Variants in FRMD4A observed in about 807,000 individuals in gnomAD.
FRMD4A encodes FERM domain containing 4A.
A neutral mutation model predicts 129.1 loss-of-function variants in FRMD4A; 29 were observed. The observed-to-expected ratio is 0.22, with a 90% CI of 0.17 to 0.31. The LOEUF (loss-of-function observed/expected upper bound fraction) is 0.31, where lower values mean the gene tolerates loss of function less well. Ranked by LOEUF, FRMD4A falls within the 10% of genes least tolerant of loss-of-function variation. The pLI is 1.00. For synonymous variants in FRMD4A, 634 were observed against 571.6 expected (o/e 1.11, Z -1.56); for missense variants, 1,272 against 1,375.8 (o/e 0.92, Z 1.19).
At chr10:14,273,481 T>C (rs1845234461) in intron 2 of FRMD4A, among the ~76,000 whole-genome samples, 1 of 152,156 alleles carries the variant, frequency 6.6e-6, no homozygotes, top group African/African-American at 2.4e-5. Context: ...TTAAAATTAG[T>C]AATATTAATG....
At chr10:14,013,735 G>C (rs1302825365) in intron 2 of FRMD4A, among the ~76,000 whole-genome samples, 1 of 151,960 alleles carries the variant, frequency 6.6e-6, no homozygotes, top group Non-Finnish European at 1.5e-5. Context: ...AGTTCAAGAC[G>C]AGCCTGACCA....
chr10:14,222,871 T>C (rs931772945), intron 2 of FRMD4A, among the ~76,000 whole-genome samples: 7 of 152,174 alleles, frequency 4.6e-5, no homozygotes, highest in Admixed American at 4.6e-4. Flanking sequence ...GCAGATCACC[T>C]GAGCTCAGGA....
At chr10:14,184,934 A>G (rs763582649) in intron 2 of FRMD4A, among the ~76,000 whole-genome samples, 17 of 152,178 alleles carry the variant, frequency 1.1e-4, no homozygotes, top group Non-Finnish European at 2.1e-4. Context: ...AAAGTCGTGT[A>G]GGGTGTTTCC....
chr10:13,674,129 C>T (rs1011019037), intron 16 of FRMD4A, among the ~76,000 whole-genome samples: 4 of 152,176 alleles, frequency 2.6e-5, no homozygotes, highest in East Asian at 3.8e-4. Flanking sequence ...AAAAGCTAAA[C>T]ACCAGATCAC....
chr10:13,761,284 A>T (rs923370124), intron 8 of FRMD4A, among the ~76,000 whole-genome samples: 1 of 152,238 alleles, frequency 6.6e-6, no homozygotes, highest in East Asian at 1.9e-4. Context: ...ATGTCCACCT[A>T]CTTGTCAGGA....
chr10:14,086,226 C>T (rs1228223932), intron 2 of FRMD4A, among the ~76,000 whole-genome samples: 3 of 152,128 alleles, frequency 2.0e-5, no homozygotes, highest in Non-Finnish European at 2.9e-5. Flanking sequence ...AAACAGAAAG[C>T]TTATTGAGGT....
intron 2 of FRMD4A, among the ~76,000 whole-genome samples, chr10:14,261,718 G>T (rs986288203): frequency 6.6e-6 from 1 of 152,070 alleles, no homozygotes; most frequent in African/African-American, 2.4e-5. Flanking sequence ...GCAGCTTTTG[G>T]TCCATTGTTT....
chr10:13,974,317 C>G (rs2095533148), intron 2 of FRMD4A, among the ~76,000 whole-genome samples: 1 of 151,998 alleles, frequency 6.6e-6, no homozygotes, highest in Non-Finnish European at 1.5e-5. Flanking sequence ...CTCAAGCTGC[C>G]CTGATATCTT....
At chr10:14,182,611 C>A (rs983387793) in intron 2 of FRMD4A, among the ~76,000 whole-genome samples, 6 of 152,016 alleles carry the variant, frequency 3.9e-5, no homozygotes, top group African/African-American at 1.5e-4. Flanking sequence ...GAAAGAGACC[C>A]CCATCATCTA....
At chr10:13,866,984 A>G (rs1399198121) in intron 2 of FRMD4A, among the ~76,000 whole-genome samples, 1 of 152,192 alleles carries the variant, frequency 6.6e-6, no homozygotes, top group African/African-American at 2.4e-5. Flanking sequence ...ATACATACAG[A>G]TAGTGTAATG....
intron 2 of FRMD4A, among the ~76,000 whole-genome samples, chr10:14,282,632 AC>A (rs11295610): frequency 1 from 152,226 of 152,230 alleles, 76,111 homozygotes; most frequent in Non-Finnish European, 1. Context: ...AGTGTGGGGG[AC>A]CCTTCCAGGA....
intron 2 of FRMD4A, among the ~76,000 whole-genome samples, chr10:14,073,155 T>C (rs1397420092): frequency 2.6e-5 from 4 of 152,094 alleles, no homozygotes; most frequent in Non-Finnish European, 4.4e-5. Context: ...AGCTCAGAGG[T>C]TGGTGACAGG....
At chr10:13,773,167 A>G (rs2092506448) in intron 6 of FRMD4A, among the ~76,000 whole-genome samples, 2 of 152,062 alleles carry the variant, frequency 1.3e-5, no homozygotes, top group African/African-American at 4.8e-5. Flanking sequence ...TGGCACACAC[A>G]CTCGACACTC....
intron 2 of FRMD4A, among the ~76,000 whole-genome samples, chr10:13,872,800 G>C (rs937388813): frequency 6.6e-6 from 1 of 152,244 alleles, no homozygotes; most frequent in South Asian, 2.1e-4. Context: ...TTTGTTTGGA[G>C]TAGAATGAGA....
intron 2 of FRMD4A, among the ~76,000 whole-genome samples, chr10:13,891,400 G>A (rs953781718): frequency 1.3e-5 from 2 of 152,158 alleles, no homozygotes; most frequent in African/African-American, 2.4e-5. Flanking sequence ...AGGAAAGTAG[G>A]TGTGTGTGTG....
At chr10:13,703,222 G>A (rs1460540275) in intron 13 of FRMD4A, among the ~76,000 whole-genome samples, 2 of 152,124 alleles carry the variant, frequency 1.3e-5, no homozygotes, top group Non-Finnish European at 2.9e-5. Context: ...GGTCAGGTCC[G>A]GGTAGTTCCC....
chr10:13,966,755 T>G (rs564079098), intron 2 of FRMD4A, among the ~76,000 whole-genome samples: 40 of 152,350 alleles, frequency 2.6e-4, no homozygotes, highest in African/African-American at 9.4e-4. Context: ...AGTCATTATA[T>G]GAAAAATACA....
At chr10:13,797,724 C>T (rs1335917670) in intron 4 of FRMD4A, among the ~76,000 whole-genome samples, 4 of 152,188 alleles carry the variant, frequency 2.6e-5, no homozygotes, top group African/African-American at 4.8e-5. Flanking sequence ...CACTGCATTT[C>T]CCCCGTAGCT....
At chr10:14,044,172 G>A (rs1237986998) in intron 2 of FRMD4A, among the ~76,000 whole-genome samples, 2 of 152,142 alleles carry the variant, frequency 1.3e-5, no homozygotes, top group East Asian at 1.9e-4. Flanking sequence ...TTTCAAATCA[G>A]TTGTCCAACC....
Sources: allele counts gnomAD v4.1 joint callset (sites outside exome capture counted in the v4.1 genomes callset), GRCh38; gene constraint gnomAD v4.1.1; transcripts MANE v1.5; gene names NCBI Gene and HGNC (gene_info 2026-07-23, HGNC 2026-07-21).